HMCN1: variants seen among roughly 807,000 people sequenced by gnomAD.
The protein encoded by HMCN1 is hemicentin 1.
In HMCN1, 321 loss-of-function variants were observed where a neutral mutation model predicts 625.9. The observed-to-expected ratio is 0.51, with a 90% CI of 0.47 to 0.56. The LOEUF (loss-of-function observed/expected upper bound fraction) is 0.56, where lower values mean the gene tolerates loss of function less well. Among genes scored for constraint, HMCN1 ranks in the 20% least tolerant of loss-of-function variants. The probability of loss-of-function intolerance (pLI) is 0.00; values close to 1 mark genes in which losing one functional copy is unlikely to be tolerated. For missense variants in HMCN1, 6,588 were observed against 6,887.3 expected, an observed-to-expected ratio of 0.96 and a Z score of 1.54; for synonymous variants, 2,425 against 2,417.6, an observed-to-expected ratio of 1.00 and a Z score of -0.09.
At position 185,990,450 on chromosome 1, in the gene HMCN1, G is replaced by A. The variant is rs1241414928; in HGVS notation, c.3377+7G>A. 6.2e-7 allele frequency: 1 copy of A among 1,613,246 alleles called. No homozygotes were observed. The highest frequency in any genetic ancestry group is 1.1e-5 in the South Asian group (1 of 91,068). ...TCTCACCGTTCTCTCCAAGGTAGGA[G>A]ATCTGGGATGAATTGCAACACATGA... On this transcript the variant is annotated splice_region_variant and intron_variant, in intron 22 of 106. Transcript: ENST00000271588.
chr1:186,116,115 T>A (rs532989592), intron 75 of HMCN1, among the ~76,000 whole-genome samples: 2 of 152,272 alleles, frequency 1.3e-5, no homozygotes, highest in African/African-American at 4.8e-5. Flanking sequence ...AGTGCTGCAG[T>A]TGAAATTCTA....
intron 97 of HMCN1, among the ~76,000 whole-genome samples, chr1:186,159,933 C>T (rs1259501487): frequency 6.6e-6 from 1 of 152,076 alleles, no homozygotes; most frequent in Non-Finnish European, 1.5e-5. Context: ...ATGCTGGCCT[C>T]ATAAAATGAG....
intron 97 of HMCN1, among the ~76,000 whole-genome samples, chr1:186,161,038 T>A (rs1472862013): frequency 6.6e-6 from 1 of 152,214 alleles, no homozygotes; most frequent in Non-Finnish European, 1.5e-5. Flanking sequence ...TCTCCCATTA[T>A]TAATGTGTGG....
intron 97 of HMCN1, among the ~76,000 whole-genome samples, chr1:186,161,374 A>G (rs1651466353): frequency 6.6e-6 from 1 of 151,876 alleles, no homozygotes; most frequent in South Asian, 2.1e-4. Flanking sequence ...CTCTTTATCC[A>G]ATTTGCCAGT....
chr1:185,905,912 A>T (rs1222349363), intron 4 of HMCN1, among the ~76,000 whole-genome samples: 2 of 151,850 alleles, frequency 1.3e-5, no homozygotes, highest in East Asian at 3.9e-4. Flanking sequence ...CCCTTTGTAG[A>T]TATAAACTGT....
intron 14 of HMCN1, among the ~76,000 whole-genome samples, chr1:185,969,356 T>A (rs1405070964): frequency 1.3e-5 from 2 of 152,180 alleles, no homozygotes; most frequent in Non-Finnish European, 2.9e-5. Flanking sequence ...GCTGATGTAA[T>A]TTTTTTCTCA....
chr1:186,063,096 A>ATATATATATATATGTATATATG lies in HMCN1; in HGVS notation c.7513+503_7513+504insATATATGTATATATGTATATAT, dbSNP rs1185102259. ...TATATATATATATATATATATATAT[A>ATATATATATATATGTATATATG]TATATATCACATTTTCATTACCCAA... On this transcript the variant is annotated intron_variant, in intron 48 of 106. Coordinates refer to ENST00000271588, the MANE Select transcript of HMCN1 (RefSeq NM_031935.3). Among the ~76,000 whole-genome samples, 4 of 115,404 alleles carry ATATATATATATATGTATATATG rather than the reference A, an allele frequency of 3.5e-5. No individual in the cohort carries two copies. The South Asian group carries it at 8.2e-4, about 24-fold the overall frequency. The allele number at this position is 115,404 out of a possible 152,430, so 75.7% of individuals were successfully genotyped here.
In HMCN1 at chr1:186,176,486, GTATTCCCA is replaced by G. The variant is rs1383383368; in HGVS notation, c.15943+1848_15943+1855del. ...CTGGTTTTCGTGTATTTAAGACTAC[GTATTCCCA>G]TATGATCTTTTTTGTTTCTACTGTT... On this transcript the variant is annotated intron_variant, in intron 103 of 106. Coordinates refer to ENST00000271588, the MANE Select transcript of HMCN1 (RefSeq NM_031935.3). Among the ~76,000 whole-genome samples, 5 of 152,280 alleles carry G rather than the reference GTATTCCCA, an allele frequency of 3.3e-5. No homozygotes were observed. The East Asian group carries it at 9.6e-4, about 29-fold the overall frequency.
At chr1:186,091,767 A>G (rs147645612) in intron 64 of HMCN1, among the ~76,000 whole-genome samples, 1 of 152,192 alleles carries the variant, frequency 6.6e-6, no homozygotes. Flanking sequence ...CATGTATTGT[A>G]AACTTTAACA....
chr1:185,942,456 C>T (rs1668130873), intron 11 of HMCN1, among the ~76,000 whole-genome samples: 1 of 152,086 alleles, frequency 6.6e-6, no homozygotes, highest in East Asian at 1.9e-4. Context: ...GCATTGACTG[C>T]TGGGAAGAGA....
At chr1:185,866,489 C>T (rs1022502804) in intron 4 of HMCN1, among the ~76,000 whole-genome samples, 2 of 146,014 alleles carry the variant, frequency 1.4e-5, no homozygotes, top group Non-Finnish European at 3.0e-5. Context: ...ACTGCGAGCT[C>T]TGCCTCCTGG....
intron 1 of HMCN1, among the ~76,000 whole-genome samples, chr1:185,798,139 T>A (rs1658530623): frequency 6.6e-6 from 1 of 152,180 alleles, no homozygotes; most frequent in Non-Finnish European, 1.5e-5. Context: ...TGGGAAAGAC[T>A]TTACTTCTCC....
chr1:185,814,969 G>A, intron 1 of HMCN1, among the ~76,000 whole-genome samples: 1 of 150,166 alleles, frequency 6.7e-6, no homozygotes, highest in East Asian at 1.9e-4. Context: ...TGGGATTACA[G>A]GTGTGAGCCT....
Position 185,977,901 on chromosome 1 carries a change from T to C in HMCN1, c.2486T>C (p.Leu829Ser). The C allele has an allele frequency of 6.2e-7, 1 of 1,613,438 alleles. No homozygotes were observed. Among genetic ancestry groups the C allele is most frequent in the Admixed American group, 1.7e-5 (1 of 59,976 alleles). ...GAACCAACAATCAAATGGCGAAGATTAGACAACATGCCAATTTTCTCAAGA... is the reference window on the plus strand; with the variant it reads ...GAACCAACAATCAAATGGCGAAGATCAGACAACATGCCAATTTTCTCAAGA... ...YPEPTIKWRR[L>S]DNMPIFSRPF... is the part of the protein sequence containing the mutation. Residue 829 changes from leucine to serine, a missense_variant, in exon 16 of 107, where the codon TTA (leucine) becomes TCA (serine). This residue lies in a region of HMCN1 where 4,628 missense variants were observed against 4,853.1 expected (regional missense o/e 0.95). Transcript: ENST00000271588.
chr1:185,780,742 C>T (rs192013290), intron 1 of HMCN1, among the ~76,000 whole-genome samples: 156 of 152,228 alleles, frequency 1.0e-3, no homozygotes, highest in Non-Finnish European at 1.3e-3. Flanking sequence ...CTGCTGGATT[C>T]GGTTTGCCAG....
intron 83 of HMCN1, among the ~76,000 whole-genome samples, chr1:186,128,700 G>T (rs1343728685): frequency 6.6e-6 from 1 of 151,928 alleles, no homozygotes; most frequent in African/African-American, 2.4e-5. Flanking sequence ...CTCACTGTTT[G>T]CCTCAACCTC....
chr1:186,062,669 T>C, intron 48 of HMCN1, 69 bp downstream of exon 48: 2 of 1,028,042 alleles, frequency 1.9e-6, no homozygotes, highest in Non-Finnish European at 3.1e-6. Flanking sequence ...CCACTATATA[T>C]CTTAAAAATT....
rs748176085 is a variant in HMCN1 at position 186,115,300 on chromosome 1, T to A, written c.11447T>A (p.Ile3816Lys). 6.2e-7 allele frequency: 1 copy of A among 1,614,078 alleles called. No individual in the cohort carries two copies. The highest frequency in any genetic ancestry group is 8.5e-7 in the Non-Finnish European group (1 of 1,179,962). ...IAPGPTNMTV[I>K]VNVQTTLACE... ...CCGGGTCCTACCAACATGACTGTAA[T>A]AGTAAATGTTCAAACTACTCTGGCT... The change falls in exon 75 of 107, where the codon ATA becomes AAA. Residue 3816 changes from isoleucine to lysine, a missense_variant. Transcript: ENST00000271588.
intron 68 of HMCN1, among the ~76,000 whole-genome samples, chr1:186,100,206 G>A (rs1023807336): frequency 6.6e-6 from 1 of 152,074 alleles, no homozygotes; most frequent in African/African-American, 2.4e-5. Context: ...AAGTTGAAGA[G>A]TTTATAAGAA....
Sources: gnomAD v4.1 joint callset for allele counts (sites outside exome capture counted in the v4.1 genomes callset) on GRCh38, gnomAD v4.1.1 for gene constraint, gnomAD v4.1.1 regional missense constraint, MANE v1.5 for transcripts, NCBI Gene and HGNC (gene_info 2026-07-23, HGNC 2026-07-21) for gene names.